SHISA9: variants seen among roughly 807,000 people sequenced by gnomAD.
The protein encoded by SHISA9 is shisa family member 9, also known as protein shisa-9.
Under a neutral mutation model 38.0 loss-of-function variants are expected in SHISA9, and 13 were observed. The observed-to-expected ratio is 0.34, with a 90% CI of 0.22 to 0.54. The LOEUF is 0.54. SHISA9 is among the 20% of genes least tolerant of loss of function. The pLI, the probability that SHISA9 is intolerant of heterozygous loss-of-function variation, is 0.91. For missense variants in SHISA9, 538 were observed against 575.8 expected, an observed-to-expected ratio of 0.93 and a Z score of 0.67; for synonymous variants, 275 against 242.0, an observed-to-expected ratio of 1.14 and a Z score of -1.27.
the SHISA9 span, among the ~76,000 whole-genome samples, chr16:13,263,719 A>G: frequency 6.6e-6 from 1 of 152,212 alleles, no homozygotes; most frequent in Non-Finnish European, 1.5e-5. Flanking sequence ...ATGACTGTGT[A>G]TAAAATCTTG....
At chr16:13,114,465 C>CAAAAAAAAAAAA (rs58742818) in intron 2 of SHISA9, among the ~76,000 whole-genome samples, 3 of 51,008 alleles carry the variant, frequency 5.9e-5, no homozygotes, top group Non-Finnish European at 8.5e-5. Flanking sequence ...GATTCCATCT[C>CAAAAAAAAAAAA]AAAAAAAAAA....
At chr16:12,952,968 C>T (rs959756862) in intron 2 of SHISA9, among the ~76,000 whole-genome samples, 2 of 152,094 alleles carry the variant, frequency 1.3e-5, no homozygotes, top group African/African-American at 4.8e-5. Flanking sequence ...GAGGCAGGCA[C>T]AGCTCCTGAC....
In SHISA9 at chr16:12,931,900, T is replaced by C. The variant is rs570133925; in HGVS notation, c.691+15085T>C. The stretch of plus-strand genomic sequence containing the variant: ...GCTGTGTCCCCACCCAAATCTCATC[T>C]TGAATTGTGCTTCCCATAATTCCTA... On this transcript the variant is annotated intron_variant, in intron 2 of 4. Coordinates refer to ENST00000558583, the MANE Select transcript of SHISA9 (RefSeq NM_001145204.3). 1.2e-4 allele frequency among the ~76,000 whole-genome samples: 19 copies of C among 152,330 alleles called. No individual in the cohort carries two copies. The South Asian group carries it at 3.7e-3, about 30-fold the overall frequency.
chr16:13,419,883 A>G, the SHISA9 span, among the ~76,000 whole-genome samples: 1 of 150,946 alleles, frequency 6.6e-6, no homozygotes, highest in South Asian at 2.1e-4. Flanking sequence ...TAGATGTTCA[A>G]TTTATTCCAT....
At position 12,902,016 on chromosome 16, in the gene SHISA9, C is replaced by T; in HGVS notation, c.-49C>T. The T allele has an allele frequency of 7.3e-7, 1 of 1,371,496 alleles. No homozygotes were observed. Among genetic ancestry groups the T allele is most frequent in the Non-Finnish European group, 9.4e-7 (1 of 1,068,198 alleles). 85.0% of individuals were successfully genotyped at this position (1,371,496 alleles called of 1,614,324 possible). On this transcript the variant is annotated 5_prime_UTR_variant, in exon 1 of 5. Coordinates refer to ENST00000558583, the MANE Select transcript of SHISA9 (RefSeq NM_001145204.3). ...TCGGCCGCGCCTCGAGAGGCGGCCG[C>T]AGAGGCTCCAGCGGCGGCCGAGCGG...
chr16:13,013,701 T>G (rs1309291356), intron 2 of SHISA9, among the ~76,000 whole-genome samples: 1 of 152,186 alleles, frequency 6.6e-6, no homozygotes, highest in African/African-American at 2.4e-5. Flanking sequence ...ATCTAGAGGT[T>G]AATGTGGTCA....
chr16:13,040,451 C>G (rs973788049), intron 2 of SHISA9, among the ~76,000 whole-genome samples: 1 of 152,194 alleles, frequency 6.6e-6, no homozygotes, highest in African/African-American at 2.4e-5. Flanking sequence ...CAAATGGCCT[C>G]CTTTTCTAAA....
chr16:13,423,124 C>G, the SHISA9 span, among the ~76,000 whole-genome samples: 215 of 152,310 alleles, frequency 1.4e-3, no homozygotes, highest in Non-Finnish European at 2.4e-3. Flanking sequence ...GAGTCAGTGA[C>G]TTGAAGATGG....
At chr16:12,985,073 G>A (rs1269544246) in intron 2 of SHISA9, among the ~76,000 whole-genome samples, 1 of 152,070 alleles carries the variant, frequency 6.6e-6, no homozygotes, top group Non-Finnish European at 1.5e-5. Context: ...CCTGAATACT[G>A]TGTTATATAT....
chr16:13,137,269 C>T (rs1047797683), intron 2 of SHISA9, among the ~76,000 whole-genome samples: 3 of 152,010 alleles, frequency 2.0e-5, no homozygotes, highest in Admixed American at 6.5e-5. Flanking sequence ...GATCCTAATA[C>T]GGCAGTAGTG....
chr16:13,540,655 G>A, the SHISA9 span, among the ~76,000 whole-genome samples: 7 of 151,916 alleles, frequency 4.6e-5, no homozygotes, highest in African/African-American at 7.3e-5. Context: ...GATTTTCTTC[G>A]GAAACCAAGT....
intron 1 of SHISA9, among the ~76,000 whole-genome samples, chr16:12,908,056 G>A (rs1452052642): frequency 6.6e-6 from 1 of 152,190 alleles, no homozygotes; most frequent in Non-Finnish European, 1.5e-5. Context: ...ACCTCTCTGA[G>A]TCTCAGGCTG....
the SHISA9 span, among the ~76,000 whole-genome samples, chr16:13,521,293 A>G: frequency 2.2e-4 from 34 of 152,324 alleles, no homozygotes; most frequent in African/African-American, 7.5e-4. Flanking sequence ...ATCTTCTTCA[A>G]AATTATTCTG....
the SHISA9 span, among the ~76,000 whole-genome samples, chr16:13,543,656 C>T: frequency 6.6e-6 from 1 of 152,068 alleles, no homozygotes; most frequent in Non-Finnish European, 1.5e-5. Context: ...TCCGTGACAC[C>T]AGGGCCGCAG....
At chr16:13,031,116 G>A (rs2072986197) in intron 2 of SHISA9, among the ~76,000 whole-genome samples, 2 of 152,152 alleles carry the variant, frequency 1.3e-5, no homozygotes, top group South Asian at 4.1e-4. Context: ...GTCCCGCGGG[G>A]CACTGTGATT....
At chr16:13,460,552 C>G in the SHISA9 span, among the ~76,000 whole-genome samples, 1 of 152,154 alleles carries the variant, frequency 6.6e-6, no homozygotes, top group Non-Finnish European at 1.5e-5. Flanking sequence ...CATGAGTTTT[C>G]TAGTAGTTTG....
the SHISA9 span, among the ~76,000 whole-genome samples, chr16:13,384,069 G>C: frequency 6.6e-6 from 1 of 152,188 alleles, no homozygotes; most frequent in African/African-American, 2.4e-5. Flanking sequence ...CGTTAGGAGA[G>C]AGGAAGAAAC....
the SHISA9 span, among the ~76,000 whole-genome samples, chr16:13,269,273 G>T: frequency 5.2e-4 from 79 of 152,204 alleles, no homozygotes; most frequent in African/African-American, 1.9e-3. Flanking sequence ...TTAAACCCCA[G>T]TTCGGTCGGT....
chr16:13,403,307 T>C, the SHISA9 span, among the ~76,000 whole-genome samples: 1 of 152,216 alleles, frequency 6.6e-6, no homozygotes, highest in East Asian at 1.9e-4. Context: ...TAGAAATAAA[T>C]TTGAACAGCC....
Sources: gnomAD v4.1 joint callset for allele counts (sites outside exome capture counted in the v4.1 genomes callset) on GRCh38, gnomAD v4.1.1 for gene constraint, MANE v1.5 for transcripts, NCBI Gene and HGNC (gene_info 2026-07-23, HGNC 2026-07-21) for gene names.